Variants in EPHB2 observed in about 807,000 individuals in gnomAD.
EPHB2 encodes ephrin type-B receptor 2.
EPHB2 carries 18 observed loss-of-function variants against 96.4 expected under a neutral mutation model. The observed-to-expected ratio is 0.19, with a 90% confidence interval of 0.13 to 0.28. The LOEUF (loss-of-function observed/expected upper bound fraction) is 0.28. EPHB2 is among the 10% of genes least tolerant of loss of function. The pLI is 1.00. For synonymous variants in EPHB2, 506 were observed against 534.1 expected, an observed-to-expected ratio of 0.95 and a Z score of 0.72; for missense variants, 989 against 1,355.4, an observed-to-expected ratio of 0.73 and a Z score of 4.25.
chr1:22,874,005 C>G (rs143373031), intron 5 of EPHB2, among the ~76,000 whole-genome samples: 5 of 152,100 alleles, frequency 3.3e-5, no homozygotes, highest in Admixed American at 6.5e-5. Flanking sequence ...GGTAAGGAAC[C>G]CAGGCTCAGA....
chr1:22,787,039 G>C (rs1357895053), intron 3 of EPHB2, among the ~76,000 whole-genome samples: 2 of 152,216 alleles, frequency 1.3e-5, no homozygotes, highest in Non-Finnish European at 2.9e-5. Flanking sequence ...AACTTTTACT[G>C]AGCCTGCTCT....
intron 1 of EPHB2, among the ~76,000 whole-genome samples, chr1:22,758,945 A>T (rs1336333314): frequency 6.6e-6 from 1 of 150,614 alleles, no homozygotes; most frequent in South Asian, 2.1e-4. Flanking sequence ...GGATGAATGG[A>T]TGGATGGATG....
intron 1 of EPHB2, among the ~76,000 whole-genome samples, chr1:22,711,972 G>T (rs1643162449): frequency 6.6e-6 from 1 of 152,236 alleles, no homozygotes; most frequent in South Asian, 2.1e-4. Flanking sequence ...GGCCGAGCTT[G>T]CAGGGCAAGA....
chr1:22,913,466 A>G lies in EPHB2; in HGVS notation c.2857A>G (p.Ile953Val). Reference sequence around the variant, plus strand: ...ACACGTGCTTCTCTCCCAAAGGGACATTCTCCGGGTTGGGGTCACTTTGGC... The same window carrying G: ...ACACGTGCTTCTCTCCCAAAGGGACGTTCTCCGGGTTGGGGTCACTTTGGC... ...DVVSQMMMED[I>V]LRVGVTLAGH... Residue 953 changes from isoleucine (I) to valine (V), a missense_variant, in exon 16 of 16, where the codon ATT (isoleucine) becomes GTT (valine). Ile to Val is a conservative substitution (Grantham distance 29). Transcript: ENST00000374630. This position sits in a 1 kb window ranked among gnomAD's most constrained non-coding sequence, Gnocchi z 4.1. The G allele has an allele frequency of 6.2e-7, 1 of 1,614,154 alleles. No individual in the cohort carries two copies. The highest frequency in any genetic ancestry group is 8.5e-7 in the Non-Finnish European group (1 of 1,180,024).
intron 3 of EPHB2, among the ~76,000 whole-genome samples, chr1:22,799,875 G>A (rs1051742532): frequency 2.0e-5 from 3 of 152,222 alleles, no homozygotes; most frequent in African/African-American, 7.2e-5. Flanking sequence ...CCTGACCTGG[G>A]ACCTGTCAGG....
At chr1:22,866,248 C>A (rs1051211331) in intron 5 of EPHB2, among the ~76,000 whole-genome samples, 1 of 152,122 alleles carries the variant, frequency 6.6e-6, no homozygotes, top group Non-Finnish European at 1.5e-5. Flanking sequence ...TGGTCAGGGC[C>A]ATGTCCATGG....
In EPHB2 at chr1:22,910,391, G is replaced by A. The variant is rs763357873; in HGVS notation, c.2512G>A (p.Ala838Thr). The change falls in exon 14 of 16, where the codon GCC (alanine) becomes ACC (threonine). Residue 838 changes from alanine (A) to threonine (T), a missense_variant. Ala to Thr is a moderately conservative substitution (Grantham distance 58). Coordinates refer to ENST00000374630, the MANE Select transcript of EPHB2 (RefSeq NM_017449.5). ...TCCTGCATTGTCCCAGGTAATCAAT[G>A]CCATTGAGCAGGACTATCGGCTGCC... ...WDMTNQDVIN[A>T]IEQDYRLPPP... 7.4e-6 allele frequency: 12 copies of A among 1,614,184 alleles called. No individual in the cohort carries two copies. In the South Asian group the frequency reaches 1.2e-4, roughly 16 times the overall value.
chr1:22,722,768 C>A (rs1237636726), intron 1 of EPHB2, among the ~76,000 whole-genome samples: 1 of 152,222 alleles, frequency 6.6e-6, no homozygotes, highest in Non-Finnish European at 1.5e-5. Flanking sequence ...CTGGCTCTGA[C>A]ACTTAACAGT....
chr1:22,880,286 G>T (rs1638992768), intron 5 of EPHB2, among the ~76,000 whole-genome samples: 1 of 152,196 alleles, frequency 6.6e-6, no homozygotes, highest in Non-Finnish European at 1.5e-5. Context: ...CTGATGTTCA[G>T]GTTCCCCTGA....
chr1:22,742,510 G>A (rs146735832), intron 1 of EPHB2, among the ~76,000 whole-genome samples: 279 of 152,142 alleles, frequency 1.8e-3, no homozygotes, highest in African/African-American at 5.8e-3. Context: ...TCTTTCTTCC[G>A]AGTGTCTCAC....
At chr1:22,764,708 C>G (rs1185326351) in intron 1 of EPHB2, among the ~76,000 whole-genome samples, 1 of 151,534 alleles carries the variant, frequency 6.6e-6, no homozygotes, top group Non-Finnish European at 1.5e-5. Context: ...ATTGCACCAC[C>G]GCACTCCAGC....
intron 3 of EPHB2, among the ~76,000 whole-genome samples, chr1:22,855,605 A>G (rs181496917): frequency 1.9e-4 from 29 of 152,358 alleles, no homozygotes; most frequent in African/African-American, 6.5e-4. Context: ...GACAAGGACT[A>G]TGTCTTCTTT....
At chr1:22,778,765 G>A (rs1644487953) in intron 1 of EPHB2, among the ~76,000 whole-genome samples, 1 of 152,322 alleles carries the variant, frequency 6.6e-6, no homozygotes, top group South Asian at 2.1e-4. Context: ...AGACACAGGG[G>A]GACAGTGGGG....
chr1:22,868,723 T>C (rs1403723749), intron 5 of EPHB2, among the ~76,000 whole-genome samples: 2 of 152,150 alleles, frequency 1.3e-5, no homozygotes, highest in Non-Finnish European at 2.9e-5. Flanking sequence ...TGGAGAAGTA[T>C]ACTCTGCCCA....
At chr1:22,847,250 C>A (rs1268506715) in intron 3 of EPHB2, among the ~76,000 whole-genome samples, 1 of 152,174 alleles carries the variant, frequency 6.6e-6, no homozygotes, top group Non-Finnish European at 1.5e-5. Flanking sequence ...AACGGAGATG[C>A]AAAGACAGTT....
chr1:22,727,421 C>T (rs576069328), intron 1 of EPHB2, among the ~76,000 whole-genome samples: 41 of 152,376 alleles, frequency 2.7e-4, no homozygotes, highest in Non-Finnish European at 4.9e-4. Flanking sequence ...GGGGCTCCTC[C>T]GCATCCTGTC....
chr1:22,889,207 A>G (rs1216641834), intron 6 of EPHB2, among the ~76,000 whole-genome samples: 1 of 152,132 alleles, frequency 6.6e-6, no homozygotes, highest in Non-Finnish European at 1.5e-5. Context: ...ACAGCTTCCA[A>G]TCCCTTGCCC....
At chr1:22,726,229 C>T (rs1643578132) in intron 1 of EPHB2, among the ~76,000 whole-genome samples, 1 of 152,020 alleles carries the variant, frequency 6.6e-6, no homozygotes, top group South Asian at 2.1e-4. Context: ...TTGCTTTTTC[C>T]TCTTCATCCT....
In EPHB2 at chr1:22,899,871, T is replaced by C. The variant is rs184372564; in HGVS notation, c.1765+3393T>C. Among the ~76,000 whole-genome samples the C allele has an allele frequency of 1.3e-3, 197 of 152,066 alleles. 1 individual carries two copies. Among genetic ancestry groups the C allele is most frequent in the Admixed American group, 2.4e-3 (37 of 15,278 alleles). On this transcript the variant is annotated intron_variant, in intron 9 of 15. Transcript: ENST00000374630. ...AGCCAGGCATGGTGGCACACACCTG[T>C]AGTCCCAAGCTACTCAGGAGGCTGA...
Sources: gnomAD v4.1 joint callset for allele counts (sites outside exome capture counted in the v4.1 genomes callset) on GRCh38, gnomAD v4.1.1 for gene constraint, Gnocchi (gnomAD v3.1) non-coding constraint, MANE v1.5 for transcripts, NCBI Gene and HGNC (gene_info 2026-07-23, HGNC 2026-07-21) for gene names.